Variants in DNAJC24 observed in about 807,000 individuals in gnomAD.
The protein encoded by DNAJC24 is dnaJ homolog subfamily C member 24.
A neutral mutation model predicts 18.0 loss-of-function variants in DNAJC24; 17 were observed. The observed-to-expected ratio is 0.94, with a 90% confidence interval of 0.65 to 1.42. The LOEUF is 1.42. Among genes scored for constraint, DNAJC24 ranks in the 40% most tolerant of loss-of-function variants. DNAJC24 has a pLI of 0.00. For missense variants in DNAJC24, 158 were observed against 175.6 expected (o/e 0.90, Z 0.57); for synonymous variants, 55 against 57.7 (o/e 0.95, Z 0.21).
At chr11:31,424,237 T>C (rs538251971) in intron 3 of DNAJC24, among the ~76,000 whole-genome samples, 1 of 152,288 alleles carries the variant, frequency 6.6e-6, no homozygotes, top group African/African-American at 2.4e-5. Flanking sequence ...TCTTGTCTGA[T>C]TTGCTTTGAT....
At chr11:31,388,435 C>T (rs1253582264) in intron 2 of DNAJC24, among the ~76,000 whole-genome samples, 1 of 152,118 alleles carries the variant, frequency 6.6e-6, no homozygotes, top group African/African-American at 2.4e-5. Flanking sequence ...CCAGTGGAAA[C>T]CTTACAGGCC....
At chr11:31,413,666 A>C (rs550863811) in intron 2 of DNAJC24, among the ~76,000 whole-genome samples, 138 of 152,222 alleles carry the variant, frequency 9.1e-4, no homozygotes, top group South Asian at 3.3e-3. Context: ...ATTCATTTTC[A>C]TGGTGAGCTT....
chr11:31,425,523 C>T (rs1320347306), intron 3 of DNAJC24, among the ~76,000 whole-genome samples: 7 of 152,132 alleles, frequency 4.6e-5, no homozygotes, highest in African/African-American at 1.4e-4. Flanking sequence ...CTGATGAGGG[C>T]TCTTTTCCTG....
intron 2 of DNAJC24, among the ~76,000 whole-genome samples, chr11:31,405,444 A>G (rs1166357697): frequency 6.7e-6 from 1 of 148,496 alleles, no homozygotes; most frequent in African/African-American, 2.5e-5. Context: ...GTCTTAGTCC[A>G]TTTCATGCTG....
chr11:31,425,807 A>T (rs146321544), intron 3 of DNAJC24, among the ~76,000 whole-genome samples: 1 of 152,308 alleles, frequency 6.6e-6, no homozygotes, highest in African/African-American at 2.4e-5. Context: ...ATAAGAAGAG[A>T]TAACTGCTGT....
At chr11:31,392,976 CAG>C (rs1372412740) in intron 2 of DNAJC24, among the ~76,000 whole-genome samples, 1 of 152,162 alleles carries the variant, frequency 6.6e-6, no homozygotes, top group Non-Finnish European at 1.5e-5. Flanking sequence ...AATGTGAGGA[CAG>C]AGTAAGCCAT....
intron 2 of DNAJC24, among the ~76,000 whole-genome samples, chr11:31,380,004 A>G (rs1374857901): frequency 1.3e-5 from 2 of 152,122 alleles, no homozygotes; most frequent in Admixed American, 1.3e-4. Flanking sequence ...TCCTGACCTC[A>G]GGTGATCCAC....
intron 2 of DNAJC24, among the ~76,000 whole-genome samples, chr11:31,401,845 C>T (rs1268603946): frequency 6.6e-6 from 1 of 152,150 alleles, no homozygotes; most frequent in Non-Finnish European, 1.5e-5. Flanking sequence ...TTAAGGCACT[C>T]TCTGAGAACC....
intron 2 of DNAJC24, among the ~76,000 whole-genome samples, chr11:31,397,031 A>G (rs1952548992): frequency 6.6e-6 from 1 of 152,168 alleles, no homozygotes; most frequent in Admixed American, 6.6e-5. Context: ...ACCTAGTCAT[A>G]TATCACCTTT....
chr11:31,400,395 G>A (rs930271773), intron 2 of DNAJC24, among the ~76,000 whole-genome samples: 8 of 152,012 alleles, frequency 5.3e-5, no homozygotes, highest in African/African-American at 1.9e-4. Context: ...TCATATGGAA[G>A]CAAAAAAAGA....
chr11:31,378,299 C>T (rs954947913), intron 2 of DNAJC24, among the ~76,000 whole-genome samples: 2 of 152,128 alleles, frequency 1.3e-5, no homozygotes, highest in East Asian at 3.9e-4. Flanking sequence ...ATTTAGCTGT[C>T]ATCTAGGTAT....
At chr11:31,413,508 C>T (rs549177721) in intron 2 of DNAJC24, among the ~76,000 whole-genome samples, 5 of 151,426 alleles carry the variant, frequency 3.3e-5, no homozygotes, top group Admixed American at 2.0e-4. Context: ...TATTTTTGTA[C>T]TTTTTAGTAG....
At chr11:31,406,264 C>T (rs1952657451) in intron 2 of DNAJC24, among the ~76,000 whole-genome samples, 1 of 152,090 alleles carries the variant, frequency 6.6e-6, no homozygotes, top group South Asian at 2.1e-4. Context: ...ATAGTAAATA[C>T]TTGTTCACTA....
At chr11:31,412,911 A>G (rs1395427520) in intron 2 of DNAJC24, among the ~76,000 whole-genome samples, 1 of 152,216 alleles carries the variant, frequency 6.6e-6, no homozygotes, top group Non-Finnish European at 1.5e-5. Flanking sequence ...AAATGAATCT[A>G]TTTTTAAAAT....
At chr11:31,430,007 G>C in intron 4 of DNAJC24, 1 of 268,764 alleles carries the variant, frequency 3.7e-6, no homozygotes, top group Non-Finnish European at 6.9e-6. Flanking sequence ...TTACTTCTGA[G>C]CATGCCCTCT....
chr11:31,416,480 T>C (rs1262879974), intron 3 of DNAJC24: 3 of 152,178 alleles, frequency 2.0e-5, no homozygotes, highest in African/African-American at 4.8e-5. Flanking sequence ...GATGATTCTT[T>C]CAGGTGTTTT....
At chr11:31,381,869 G>A (rs1216803475) in intron 2 of DNAJC24, among the ~76,000 whole-genome samples, 1 of 152,048 alleles carries the variant, frequency 6.6e-6, no homozygotes, top group East Asian at 1.9e-4. Context: ...GAGCTACTAC[G>A]CCTGGCTCTC....
intron 2 of DNAJC24, among the ~76,000 whole-genome samples, chr11:31,410,522 G>T (rs1329173165): frequency 6.6e-6 from 1 of 152,166 alleles, no homozygotes; most frequent in Non-Finnish European, 1.5e-5. Context: ...TGAGCAGAAG[G>T]TTTTAAAATT....
At chr11:31,371,966 G>A (rs1209805958) in intron 2 of DNAJC24, among the ~76,000 whole-genome samples, 2 of 151,528 alleles carry the variant, frequency 1.3e-5, no homozygotes, top group Non-Finnish European at 2.9e-5. Flanking sequence ...TGGGATTAAG[G>A]CGCATGCCAC....
Sources: gnomAD v4.1 joint callset for allele counts (sites outside exome capture counted in the v4.1 genomes callset) on GRCh38, gnomAD v4.1.1 for gene constraint, MANE v1.5 for transcripts, NCBI Gene and HGNC (gene_info 2026-07-23, HGNC 2026-07-21) for gene names.